Variants in ACACB observed in about 807,000 individuals in gnomAD.
ACACB encodes acetyl-CoA carboxylase beta.
ACACB carries 209 observed loss-of-function variants against 278.8 expected under a neutral mutation model. The ratio of observed to expected loss-of-function variants is 0.75; its 90% CI spans 0.67 to 0.84. ACACB has a LOEUF of 0.84. Among genes scored for constraint, ACACB ranks in the 40% least tolerant of loss-of-function variants. The pLI is 0.00. For synonymous variants in ACACB, 1,174 were observed against 1,285.6 expected (o/e 0.91, Z 1.86); for missense variants, 2,850 against 3,269.0 (o/e 0.87, Z 3.13).
At chr12:109,140,344 TTCC>T (rs1565857804) in intron 2 of ACACB, among the ~76,000 whole-genome samples, 1,344 of 95,954 alleles carry the variant, frequency 0.014, 123 homozygotes, top group African/African-American at 0.033. Flanking sequence ...CCTTCCTTCC[TTCC>T]TTCCCTCCTT....
rs138755539 is a variant in ACACB at position 109,122,376 on chromosome 12, C to T, written c.-10+5672C>T. Among the ~76,000 whole-genome samples the T allele has an allele frequency of 2.3e-4, 35 of 151,934 alleles. No individual in the cohort carries two copies. In the East Asian group the frequency reaches 6.0e-3, roughly 26 times the overall value. On this transcript the variant is annotated intron_variant, in intron 1 of 52. Coordinates refer to ENST00000338432, the MANE Select transcript of ACACB (RefSeq NM_001093.4). ...CTGTAATCCCAGTGCTTTGGGAGGC[C>T]AAGGCGGGAGGATTGCTTGAGTCCC...
chr12:109,236,721 C>G (rs1311982040), intron 33 of ACACB, among the ~76,000 whole-genome samples: 1 of 152,072 alleles, frequency 6.6e-6, no homozygotes, highest in Non-Finnish European at 1.5e-5. Context: ...CTAGCTAAGA[C>G]ACATCCTTTT....
chr12:109,256,832 C>T (rs1028207179), intron 45 of ACACB, among the ~76,000 whole-genome samples: 1 of 152,202 alleles, frequency 6.6e-6, no homozygotes, highest in Non-Finnish European at 1.5e-5. Context: ...CTCTCTGGTC[C>T]TTCACATCTG....
intron 19 of ACACB, among the ~76,000 whole-genome samples, chr12:109,205,090 G>A (rs1377784258): frequency 6.6e-6 from 1 of 152,168 alleles, no homozygotes; most frequent in Non-Finnish European, 1.5e-5. Context: ...CTGGCCTCAA[G>A]CGATCCGTCC....
At chr12:109,250,802 G>A (rs1172472709) in intron 41 of ACACB, among the ~76,000 whole-genome samples, 27 of 152,268 alleles carry the variant, frequency 1.8e-4, no homozygotes, top group Middle Eastern at 6.8e-3. Flanking sequence ...AGGAGTGAAA[G>A]TTTATTAAAA....
At position 109,266,367 on chromosome 12, in the gene ACACB, G is replaced by A. The variant is rs1202734751; in HGVS notation, c.*5G>A. 1.9e-6 allele frequency: 3 copies of A among 1,599,200 alleles called. No individual in the cohort carries two copies. The Admixed American group carries it at 5.1e-5, about 27-fold the overall frequency. On this transcript the variant is annotated 3_prime_UTR_variant, in exon 53 of 53. Coordinates refer to ENST00000338432, the MANE Select transcript of ACACB (RefSeq NM_001093.4). ...GACAGCCCGGCCTCCACCTGACCGT[G>A]GCCCGCCCAGCCACTCCCGGGACCA... is the stretch of plus-strand genomic sequence containing the variant.
chr12:109,222,861 C>T lies in ACACB; in HGVS notation c.3741C>T (p.Phe1247=). ...ELRHNQVESI[F]LSAIDMYGHQ... is the part of the protein sequence containing the mutation. Reference sequence around the variant, plus strand: ...GGCATAACCAGGTGGAGTCCATTTTCCTGTCTGCCATTGACATGTACGGCC... The same window carrying T: ...GGCATAACCAGGTGGAGTCCATTTTTCTGTCTGCCATTGACATGTACGGCC... The change falls in exon 26 of 53, where the codon TTC becomes TTT. Residue 1247 remains phenylalanine, a synonymous_variant. Coordinates refer to ENST00000338432, the MANE Select transcript of ACACB (RefSeq NM_001093.4). 3.7e-6 allele frequency: 6 copies of T among 1,613,966 alleles called. No homozygotes were observed. The Admixed American group carries it at 8.3e-5, about 22-fold the overall frequency.
At position 109,258,283 on chromosome 12, in the gene ACACB, C is replaced by T. The variant is rs754526653; in HGVS notation, c.6279C>T (p.Pro2093=). 7.4e-6 allele frequency: 12 copies of T among 1,612,342 alleles called. No homozygotes were observed. The highest frequency in any genetic ancestry group is 1.1e-5 in the South Asian group (1 of 90,362). Reference sequence around the variant, plus strand: ...CATTTTCCAGGCTTGGGGGGATTCCCGTGGGAGTGATTGCTGTGGAGACAC... The same window carrying T: ...CATTTTCCAGGCTTGGGGGGATTCCTGTGGGAGTGATTGCTGTGGAGACAC... The part of the protein sequence containing the change: ...VTGRARLGGI[P]VGVIAVETRT... Residue 2093 remains proline (P), a synonymous_variant, in exon 46 of 53, where the codon CCC becomes CCT. Transcript: ENST00000338432.
At chr12:109,174,347 C>A in intron 7 of ACACB, 117 bp downstream of exon 7, 3 of 801,962 alleles carry the variant, frequency 3.7e-6, no homozygotes, top group Admixed American at 3.7e-5. Flanking sequence ...ATGTTACTTA[C>A]TTTTATTTTT....
At chr12:109,122,121 T>C (rs2135942248) in intron 1 of ACACB, among the ~76,000 whole-genome samples, 1 of 152,276 alleles carries the variant, frequency 6.6e-6, no homozygotes, top group African/African-American at 2.4e-5. Flanking sequence ...AGAGGCCGGT[T>C]TGCCAGGGCC....
At position 109,172,812 on chromosome 12, in the gene ACACB, C is replaced by A. The variant is rs991572556; in HGVS notation, c.1117+456C>A. On this transcript the variant is annotated intron_variant, in intron 6 of 52. Coordinates refer to ENST00000338432, the MANE Select transcript of ACACB (RefSeq NM_001093.4). ...ACCGTTTAACCCAGCAATCCTGTTA[C>A]TGGGTATATACCCAGAGGAATTTAA... is the stretch of plus-strand genomic sequence containing the variant. Among the ~76,000 whole-genome samples, 80 of 152,218 alleles carry A rather than the reference C, an allele frequency of 5.3e-4. 4 individuals are homozygous for A. The highest frequency in any genetic ancestry group is 5.9e-5 in the Non-Finnish European group (4 of 68,048).
rs775667215 is a variant in ACACB, at chr12:109,237,309, G to A, written c.4591G>A (p.Glu1531Lys). Residue 1531 changes from glutamate (E) to lysine (K), a missense_variant, in exon 34 of 53, where the codon GAA (glutamate) becomes AAA (lysine). By Grantham distance (56) the Glu-to-Lys change is moderately conservative. Around this residue, in one of 3 missense-constraint regions of ACACB, gnomAD observed 2,265 missense variants for 2,561.3 expected, o/e 0.88. Transcript: ENST00000338432. ...TTACCTGGGTGCTGCCAAGGTGAAG[G>A]AAGGTGTGGAAGTGACGGACCATAG... Reference protein sequence around the residue: ...HLYLGAAKVKEGVEVTDHRFF... With the variant: ...HLYLGAAKVKKGVEVTDHRFF... 6 of 1,614,108 alleles carry A rather than the reference G, an allele frequency of 3.7e-6. No homozygotes were observed. In the East Asian group the frequency reaches 1.1e-4, roughly 30 times the overall value.
chr12:109,229,601 C>T (rs2046411488), intron 28 of ACACB, among the ~76,000 whole-genome samples: 1 of 152,188 alleles, frequency 6.6e-6, no homozygotes, highest in Non-Finnish European at 1.5e-5. Flanking sequence ...GCGATCTCAG[C>T]TCACTGCAGC....
intron 31 of ACACB, 57 bp from the exon 32 acceptor site, chr12:109,235,256 C>T (rs752046983): frequency 6.9e-7 from 1 of 1,456,502 alleles, no homozygotes; most frequent in Non-Finnish European, 9.6e-7. Flanking sequence ...TGCAGCAATA[C>T]TTCAGTTCCT....
intron 24 of ACACB, among the ~76,000 whole-genome samples, chr12:109,222,130 C>T (rs1353311351): frequency 6.6e-6 from 1 of 151,916 alleles, no homozygotes; most frequent in African/African-American, 2.4e-5. Context: ...TGAGCTCAAG[C>T]GATCCTCCTG....
chr12:109,133,722 T>A (rs2042888605), intron 1 of ACACB, among the ~76,000 whole-genome samples: 1 of 151,570 alleles, frequency 6.6e-6, no homozygotes, highest in African/African-American at 2.4e-5. Context: ...AAAACTGTCA[T>A]GGAGATACTT....
chr12:109,265,368 C>G (rs2047489282), intron 51 of ACACB, 21 bp from the exon 52 acceptor site: 1 of 1,612,864 alleles, frequency 6.2e-7, no homozygotes, highest in African/African-American at 1.3e-5. Context: ...CTCTCTGAGG[C>G]ATCCTCTGCC....
intron 24 of ACACB, 62 bp from the exon 25 acceptor site, chr12:109,222,445 G>A: frequency 1.3e-6 from 2 of 1,488,332 alleles, no homozygotes; most frequent in Non-Finnish European, 1.9e-6. Context: ...AAGTCGAGAT[G>A]AGTGCTGCAT....
chr12:109,157,583 G>C (rs190007053), intron 2 of ACACB, among the ~76,000 whole-genome samples: 1 of 152,188 alleles, frequency 6.6e-6, no homozygotes, highest in East Asian at 1.9e-4. Flanking sequence ...TTCTTGGTCC[G>C]TTGAGACTCT....
Sources: allele counts gnomAD v4.1 joint callset (sites outside exome capture counted in the v4.1 genomes callset), GRCh38; gene constraint gnomAD v4.1.1; regional missense constraint gnomAD v4.1.1; transcripts MANE v1.5; gene names NCBI Gene and HGNC (gene_info 2026-07-23, HGNC 2026-07-21).